Variants in PCSK5 observed in about 807,000 individuals in gnomAD.
PCSK5 encodes prohormone convertase 5.
Under a neutral mutation model 233.2 loss-of-function variants are expected in PCSK5, and 129 were observed. The ratio of observed to expected loss-of-function variants is 0.55; its 90% confidence interval spans 0.48 to 0.64. PCSK5 has a LOEUF of 0.64. Among genes scored for constraint, PCSK5 ranks in the 30% least tolerant of loss-of-function variants. The pLI, the probability that PCSK5 is intolerant of heterozygous loss-of-function variation, is 0.00. For missense variants in PCSK5, 2,076 were observed against 2,430.1 expected (o/e 0.85, Z 3.06); for synonymous variants, 825 against 879.2 (o/e 0.94, Z 1.09).
intron 9 of PCSK5, among the ~76,000 whole-genome samples, chr9:76,131,099 G>A (rs1389535545): frequency 2.0e-5 from 3 of 152,070 alleles, no homozygotes. Context: ...CCTGCAGAGA[G>A]CACTCAGCCT....
At chr9:76,310,378 T>C (rs1828830276) in intron 29 of PCSK5, among the ~76,000 whole-genome samples, 1 of 152,064 alleles carries the variant, frequency 6.6e-6, no homozygotes, top group Admixed American at 6.6e-5. Flanking sequence ...ATAGAGAGTG[T>C]GTTAATAAGA....
intron 5 of PCSK5, among the ~76,000 whole-genome samples, chr9:76,034,465 C>T (rs1159055060): frequency 1.3e-5 from 2 of 152,142 alleles, no homozygotes; most frequent in Non-Finnish European, 1.5e-5. Context: ...GACCCATTCC[C>T]TTCCTTATTA....
At chr9:75,976,584 A>G (rs1386649006) in intron 2 of PCSK5, among the ~76,000 whole-genome samples, 2 of 152,062 alleles carry the variant, frequency 1.3e-5, no homozygotes, top group African/African-American at 4.8e-5. Flanking sequence ...TCTTTCCTGC[A>G]AGGATAAAGT....
chr9:76,326,099 A>G (rs1250401315), intron 32 of PCSK5, among the ~76,000 whole-genome samples: 1 of 152,012 alleles, frequency 6.6e-6, no homozygotes, highest in African/African-American at 2.4e-5. Flanking sequence ...TCTCAGCCGG[A>G]CACGGTGGCT....
At chr9:76,049,864 T>G (rs1829561226) in intron 5 of PCSK5, among the ~76,000 whole-genome samples, 2 of 152,214 alleles carry the variant, frequency 1.3e-5, no homozygotes, top group African/African-American at 4.8e-5. Context: ...TAACAGATTT[T>G]GGGCAAAACA....
At chr9:76,075,073 A>G (rs1458720906) in intron 7 of PCSK5, among the ~76,000 whole-genome samples, 1 of 152,098 alleles carries the variant, frequency 6.6e-6, no homozygotes, top group Non-Finnish European at 1.5e-5. Flanking sequence ...TACAAAAATT[A>G]GCTGGGTGTG....
intron 1 of PCSK5, among the ~76,000 whole-genome samples, chr9:75,920,211 G>A (rs1160706164): frequency 6.6e-6 from 1 of 152,084 alleles, no homozygotes; most frequent in Non-Finnish European, 1.5e-5. Context: ...TATAGGGGGA[G>A]CTTCTCCTCC....
chr9:76,030,229 A>T (rs1168595198), intron 5 of PCSK5, among the ~76,000 whole-genome samples: 1 of 151,816 alleles, frequency 6.6e-6, no homozygotes, highest in East Asian at 1.9e-4. Flanking sequence ...GTTCTGCTGG[A>T]TATTCATAAA....
chr9:76,292,190 G>A lies in PCSK5; in HGVS notation c.3143-43G>A, dbSNP rs73464524. 851 of 1,191,168 alleles carry A rather than the reference G, an allele frequency of 7.1e-4. 3 individuals are homozygous for A. Among genetic ancestry groups the A allele is most frequent in the Non-Finnish European group, 9.3e-4 (747 of 802,520 alleles). The allele number at this position is 1,191,168 out of a possible 1,614,324, so 73.8% of individuals were successfully genotyped here. ...TTCAGACCCTATTTTTCCAAATGACGAATTCCTCATGATTATTACTTTTTA... is the reference window on the plus strand; with the variant it reads ...TTCAGACCCTATTTTTCCAAATGACAAATTCCTCATGATTATTACTTTTTA... On this transcript the variant is annotated intron_variant, in intron 24 of 37. Coordinates refer to ENST00000674117, the MANE Select transcript of PCSK5 (RefSeq NM_001372043.1).
At chr9:76,007,796 TTGTGTGTGTGTGTGTGTG>T (rs59860078) in intron 3 of PCSK5, among the ~76,000 whole-genome samples, 4 of 128,224 alleles carry the variant, frequency 3.1e-5, no homozygotes, top group East Asian at 2.4e-4. Context: ...CCGGCTAATT[TTGTGTGTGTGTGTGTGTG>T]TGTGTGTGTG....
chr9:75,941,030 T>A (rs1824278663), intron 2 of PCSK5, among the ~76,000 whole-genome samples: 1 of 152,162 alleles, frequency 6.6e-6, no homozygotes, highest in Non-Finnish European at 1.5e-5. Flanking sequence ...CAAATAATAT[T>A]TCATGGGGTC....
chr9:76,253,388 T>C (rs1826877754), intron 24 of PCSK5, among the ~76,000 whole-genome samples: 1 of 152,198 alleles, frequency 6.6e-6, no homozygotes, highest in Non-Finnish European at 1.5e-5. Context: ...ATAAACTGAC[T>C]GTTTCTATTT....
Position 76,312,496 on chromosome 9 carries a change from C to T in PCSK5, c.3884+1645C>T, listed in dbSNP as rs192714625. Reference sequence around the variant, plus strand: ...TATATTCCAGCCTGGGCAACAAGAGCGAAACTCCATCTCAAAAAAAAAAAA... The same window carrying T: ...TATATTCCAGCCTGGGCAACAAGAGTGAAACTCCATCTCAAAAAAAAAAAA... On this transcript the variant is annotated intron_variant, in intron 30 of 37. Coordinates refer to ENST00000674117, the MANE Select transcript of PCSK5 (RefSeq NM_001372043.1). Among the ~76,000 whole-genome samples the T allele has an allele frequency of 1.5e-3, 221 of 146,994 alleles. 4 individuals are homozygous for T. The East Asian group carries it at 0.036, about 24-fold the overall frequency.
At chr9:76,000,929 T>A (rs574293142) in intron 3 of PCSK5, among the ~76,000 whole-genome samples, 92 of 151,740 alleles carry the variant, frequency 6.1e-4, no homozygotes, top group Non-Finnish European at 1.0e-3. Context: ...TTTTTTTTTT[T>A]AAACTCATAT....
chr9:76,321,473 A>G lies in PCSK5; in HGVS notation c.3936A>G (p.Arg1312=), dbSNP rs749439476. 6.2e-7 allele frequency: 1 copy of G among 1,611,886 alleles called. No homozygotes were observed. Among genetic ancestry groups the G allele is most frequent in the Non-Finnish European group, 8.5e-7 (1 of 1,179,018 alleles). The part of the protein sequence containing the change: ...GICERCSSPC[R]TCEGNATNCH... ...GTGAACGCTGTAGCTCTCCTTGCAG[A>G]ACATGTGAAGGAAACGCCACCAACT... Residue 1312 remains arginine, a synonymous_variant, in exon 31 of 38, where the codon AGA becomes AGG. Transcript: ENST00000674117.
intron 1 of PCSK5, among the ~76,000 whole-genome samples, chr9:75,903,065 T>C (rs1198351191): frequency 6.6e-6 from 1 of 152,230 alleles, no homozygotes; most frequent in Non-Finnish European, 1.5e-5. Flanking sequence ...CTCAGTATTA[T>C]AACAGATAAT....
chr9:75,899,254 G>A (rs183328440), intron 1 of PCSK5, among the ~76,000 whole-genome samples: 38 of 152,242 alleles, frequency 2.5e-4, no homozygotes, highest in Non-Finnish European at 1.5e-5. Context: ...AATAGGCTCA[G>A]CATTAGTTTA....
intron 1 of PCSK5, among the ~76,000 whole-genome samples, chr9:75,902,683 A>G (rs1763105039): frequency 6.6e-6 from 1 of 152,220 alleles, no homozygotes; most frequent in Admixed American, 6.5e-5. Flanking sequence ...CAGTGCGTGG[A>G]AGAAGAGGAT....
chr9:76,121,562 T>C lies in PCSK5; in HGVS notation c.1209-12547T>C, dbSNP rs185358047. Among the ~76,000 whole-genome samples, 7 of 152,324 alleles carry C rather than the reference T, an allele frequency of 4.6e-5. No homozygotes were observed. The East Asian group carries it at 1.4e-3, about 29-fold the overall frequency. Reference sequence around the variant, plus strand: ...TGTAATTCTCATCTATAAGGTAACATGGGTAGTAAACGGAGAGTCAAGCTT... The same window carrying C: ...TGTAATTCTCATCTATAAGGTAACACGGGTAGTAAACGGAGAGTCAAGCTT... On this transcript the variant is annotated intron_variant, in intron 9 of 37. Coordinates refer to ENST00000674117, the MANE Select transcript of PCSK5 (RefSeq NM_001372043.1).
Sources: allele counts gnomAD v4.1 joint callset (sites outside exome capture counted in the v4.1 genomes callset), GRCh38; gene constraint gnomAD v4.1.1; transcripts MANE v1.5; gene names NCBI Gene and HGNC (gene_info 2026-07-23, HGNC 2026-07-21).